The following ATP23 variants were observed in gnomAD, a reference collection of about 807,000 sequenced individuals.
ATP23 encodes ATP23 metallopeptidase and ATP synthase assembly factor homolog.
ATP23 carries 24 observed loss-of-function variants against 28.5 expected under a neutral mutation model. That is an observed-to-expected ratio of 0.84 (90% CI 0.61 to 1.18). ATP23 has a LOEUF of 1.18. Among genes scored for constraint, ATP23 ranks in the 50% most tolerant of loss-of-function variants. The pLI, the probability that ATP23 is intolerant of heterozygous loss-of-function variation, is 0.00. For missense variants in ATP23, 274 were observed against 306.4 expected, an observed-to-expected ratio of 0.89 and a Z score of 0.79; for synonymous variants, 99 against 108.6, an observed-to-expected ratio of 0.91 and a Z score of 0.55.
At chr12:57,953,531 T>A (rs1009929643) in intron 4 of ATP23, 75 bp from the exon 5 acceptor site, 10 of 1,227,210 alleles carry the variant, frequency 8.1e-6, no homozygotes, top group African/African-American at 1.5e-5. Context: ...TTCTAATTTT[T>A]AAAAATTGGT....
chr12:57,950,964 G>A (rs956520994), intron 3 of ATP23, among the ~76,000 whole-genome samples: 1 of 152,208 alleles, frequency 6.6e-6, no homozygotes, highest in Non-Finnish European at 1.5e-5. Context: ...GTCTCAATAA[G>A]TATTAGTTGA....
intron 3 of ATP23, chr12:57,949,875 C>A: frequency 6.6e-6 from 1 of 152,548 alleles, no homozygotes; most frequent in Non-Finnish European, 1.5e-5. Flanking sequence ...CATCTCCCCA[C>A]TCAACCCAGT....
At chr12:57,955,280 G>GT (rs71087605) in intron 5 of ATP23, among the ~76,000 whole-genome samples, 43,803 of 142,024 alleles carry the variant, frequency 0.31, 7,224 homozygotes, top group East Asian at 0.67. Context: ...AATAGAGCAT[G>GT]TTTTTTTTTT....
At chr12:57,950,357 G>A (rs893185961) in intron 3 of ATP23, among the ~76,000 whole-genome samples, 4 of 151,666 alleles carry the variant, frequency 2.6e-5, no homozygotes, top group South Asian at 2.1e-4. Flanking sequence ...ATTTTCTTCC[G>A]TCAACCCTCC....
chr12:57,950,665 T>C (rs35364486), intron 3 of ATP23, among the ~76,000 whole-genome samples: 19,514 of 151,884 alleles, frequency 0.13, 2,162 homozygotes, highest in African/African-American at 0.3. Flanking sequence ...GCTGGGACTA[T>C]AGGCATGTGC....
intron 4 of ATP23, among the ~76,000 whole-genome samples, chr12:57,952,322 C>T (rs1404933708): frequency 6.6e-6 from 1 of 152,134 alleles, no homozygotes; most frequent in Non-Finnish European, 1.5e-5. Flanking sequence ...CTATTATTGT[C>T]CCTGTTTTAC....
intron 1 of ATP23, among the ~76,000 whole-genome samples, chr12:57,944,091 A>G (rs1228764621): frequency 6.8e-6 from 1 of 147,134 alleles, no homozygotes; most frequent in Non-Finnish European, 1.5e-5. Context: ...AGGACTACAG[A>G]CTTTTGAAAC....
In ATP23 at chr12:57,945,019, A is replaced by T. The variant is rs190702667; in HGVS notation, c.188-609A>T. 3.9e-5 allele frequency among the ~76,000 whole-genome samples: 6 copies of T among 152,302 alleles called. No individual in the cohort carries two copies. The East Asian group carries it at 9.6e-4, about 24-fold the overall frequency. On this transcript the variant is annotated intron_variant, in intron 1 of 5. Coordinates refer to ENST00000300145, the MANE Select transcript of ATP23 (RefSeq NM_033276.4). ...TACTGTGCTGTTGTTCACTTCTAAG[A>T]ATGTGGCCCTAGATTCCCTCAGTCT...
intron 1 of ATP23, among the ~76,000 whole-genome samples, chr12:57,944,059 G>GTTTT (rs10672119): frequency 1.5e-5 from 2 of 137,412 alleles, no homozygotes; most frequent in East Asian, 2.1e-4. Context: ...CTAAACCATG[G>GTTTT]TTTTTTTTTT....
chr12:57,946,568 C>T (rs764635777), intron 2 of ATP23, among the ~76,000 whole-genome samples: 72 of 151,172 alleles, frequency 4.8e-4, no homozygotes, highest in Non-Finnish European at 8.4e-4. Flanking sequence ...AGAGATTCTC[C>T]TGCCTCAGCC....
In ATP23 at chr12:57,943,093, G is replaced by T. The variant is rs76012931; in HGVS notation, c.187+1205G>T. Among the ~76,000 whole-genome samples, 226 of 152,238 alleles carry T rather than the reference G, an allele frequency of 1.5e-3. 1 individual carries two copies. Among genetic ancestry groups the T allele is most frequent in the African/African-American group, 5.4e-3 (224 of 41,558 alleles). On this transcript the variant is annotated intron_variant, in intron 1 of 5. Coordinates refer to ENST00000300145, the MANE Select transcript of ATP23 (RefSeq NM_033276.4). ...ACTCAGGGAGGTAGGAGGAGGAAGG[G>T]GAGTTGAGGGTAAAAGGGGAGAGAA... is the stretch of plus-strand genomic sequence containing the variant.
At chr12:57,947,336 G>A (rs1026441619) in intron 3 of ATP23, among the ~76,000 whole-genome samples, 4 of 152,296 alleles carry the variant, frequency 2.6e-5, no homozygotes, top group East Asian at 1.9e-4. Flanking sequence ...TTACCACAAT[G>A]GAACAGTGAT....
Position 57,957,466 on chromosome 12 carries a change from A to AC in ATP23, c.*577dup, listed in dbSNP as rs1322514677. The stretch of plus-strand genomic sequence containing the variant: ...GTGCTCGAATTTTAGCTCCAGATCG[A>AC]CTGCAAGAACAAACCAGCAATACTG... On this transcript the variant is annotated 3_prime_UTR_variant, in exon 6 of 6. Coordinates refer to ENST00000300145, the MANE Select transcript of ATP23 (RefSeq NM_033276.4). Among the ~76,000 whole-genome samples, 3 of 152,144 alleles carry AC rather than the reference A, an allele frequency of 2.0e-5. No homozygotes were observed. Among genetic ancestry groups the AC allele is most frequent in the African/African-American group, 7.2e-5 (3 of 41,414 alleles).
rs1202000445 is a variant in ATP23, at chr12:57,946,521, G to A, written c.234-474G>A. ...TGCCCAGGCTGGAATGCAGTGGCAC[G>A]ATCTCGGCTCACCGCAACCTCCGCC... is the stretch of plus-strand genomic sequence containing the variant. On this transcript the variant is annotated intron_variant, in intron 2 of 5. Coordinates refer to ENST00000300145, the MANE Select transcript of ATP23 (RefSeq NM_033276.4). Among the ~76,000 whole-genome samples the A allele has an allele frequency of 5.7e-5, 8 of 140,570 alleles. 1 individual carries two copies. The highest frequency in any genetic ancestry group is 2.2e-4 in the African/African-American group (8 of 36,928). The allele number at this position is 140,570 out of a possible 152,430, so 92.2% of individuals were successfully genotyped here. A position where few individuals can be genotyped will look rare whatever the true frequency, so the allele number is the denominator to read the frequency against.
intron 1 of ATP23, among the ~76,000 whole-genome samples, chr12:57,942,294 A>T (rs958922392): frequency 1.3e-5 from 2 of 152,226 alleles, no homozygotes; most frequent in Non-Finnish European, 2.9e-5. Context: ...AAGGCTGTAA[A>T]AATATAAAAG....
In ATP23 at chr12:57,946,199, G is replaced by A. The variant is rs192818532; in HGVS notation, c.233+526G>A. ...TTCTAGTTCTTACCATTCACCTTGG[G>A]TGATTAATAAAGACAGTACTCAAAA... On this transcript the variant is annotated intron_variant, in intron 2 of 5. Transcript: ENST00000300145. Among the ~76,000 whole-genome samples, 933 of 152,142 alleles carry A rather than the reference G, an allele frequency of 6.1e-3. 5 individuals carry two copies. The highest frequency in any genetic ancestry group is 0.011 in the Non-Finnish European group (731 of 68,010).
chr12:57,949,125 A>G (rs1290357761), intron 3 of ATP23, among the ~76,000 whole-genome samples: 1 of 152,180 alleles, frequency 6.6e-6, no homozygotes, highest in Non-Finnish European at 1.5e-5. Flanking sequence ...AATATTTTTG[A>G]CCTTCGCTAC....
rs913783320 is a variant in ATP23 at position 57,958,900 on chromosome 12, C to T, written c.*2010C>T. The stretch of plus-strand genomic sequence containing the variant: ...AAACCAAGAAGAAATCCCTGATTTA[C>T]CTGAAAAAGAATTCAGGAGGTTAGT... On this transcript the variant is annotated 3_prime_UTR_variant, in exon 6 of 6. Transcript: ENST00000300145. 6.6e-6 allele frequency among the ~76,000 whole-genome samples: 1 copy of T among 152,062 alleles called. No individual in the cohort carries two copies. Among genetic ancestry groups the T allele is most frequent in the Non-Finnish European group, 1.5e-5 (1 of 68,022 alleles).
In ATP23 at chr12:57,957,388, C is replaced by T. The variant is rs1956878743; in HGVS notation, c.*498C>T. 2 of 152,466 alleles carry T rather than the reference C, an allele frequency of 1.3e-5. No individual in the cohort carries two copies. 9.4% of individuals were successfully genotyped at this position (152,466 alleles called of 1,614,324 possible). A position where few individuals can be genotyped will look rare whatever the true frequency, so the allele number is the denominator to read the frequency against. ...TATCATATATGTGGGACCCATATGG[C>T]CTAATTTTCTGGGGACAGTCCTGGT... On this transcript the variant is annotated 3_prime_UTR_variant, in exon 6 of 6. Coordinates refer to ENST00000300145, the MANE Select transcript of ATP23 (RefSeq NM_033276.4).
Sources: gnomAD v4.1 joint callset for allele counts (sites outside exome capture counted in the v4.1 genomes callset) on GRCh38, gnomAD v4.1.1 for gene constraint, MANE v1.5 for transcripts, NCBI Gene and HGNC (gene_info 2026-07-23, HGNC 2026-07-21) for gene names.